Variants in AK7 observed in about 807,000 individuals in gnomAD.
AK7 encodes ATP-AMP transphosphorylase 7.
In AK7, 78 loss-of-function variants were observed where a neutral mutation model predicts 96.6. The observed-to-expected ratio is 0.81, with a 90% CI of 0.67 to 0.97. The LOEUF is 0.97. Ranked by LOEUF, AK7 falls within the 50% of genes least tolerant of loss-of-function variation. The pLI is 0.00. For missense variants in AK7, 855 were observed against 887.9 expected (o/e 0.96, Z 0.47); for synonymous variants, 302 against 317.2 (o/e 0.95, Z 0.51).
At chr14:96,448,630 TAAAAAAAAAAA>T (rs71103528) in intron 8 of AK7, among the ~76,000 whole-genome samples, 18 of 74,896 alleles carry the variant, frequency 2.4e-4, no homozygotes, top group African/African-American at 5.0e-4. Flanking sequence ...ACCCTATCTC[TAAAAAAAAAAA>T]AAAAAAAAAA....
chr14:96,414,406 G>C (rs866232508), intron 4 of AK7, among the ~76,000 whole-genome samples: 7 of 152,372 alleles, frequency 4.6e-5, no homozygotes, highest in Middle Eastern at 6.8e-3. Context: ...GTCTGGTTTA[G>C]TCTCTGGCAC....
intron 9 of AK7, among the ~76,000 whole-genome samples, chr14:96,450,397 CAA>C (rs1893523203): frequency 7.1e-6 from 1 of 141,340 alleles, no homozygotes. Context: ...GCCTGGGCAA[CAA>C]GAGAGACAGT....
chr14:96,447,473 C>A (rs768160737), intron 8 of AK7, among the ~76,000 whole-genome samples: 5 of 151,980 alleles, frequency 3.3e-5, no homozygotes, highest in Non-Finnish European at 7.4e-5. Context: ...CACCACCGTA[C>A]CTGGCTAATT....
chr14:96,458,041 A>T, intron 11 of AK7, 42 bp from the exon 12 acceptor site: 1 of 1,604,558 alleles, frequency 6.2e-7, no homozygotes, highest in South Asian at 1.1e-5. Flanking sequence ...TAGCAAATGG[A>T]TGTGGGGCAT....
At chr14:96,477,853 C>T (rs530080710) in intron 14 of AK7, among the ~76,000 whole-genome samples, 1 of 152,174 alleles carries the variant, frequency 6.6e-6, no homozygotes, top group East Asian at 1.9e-4. Flanking sequence ...GTAGCCATAG[C>T]TCTCTTTGGA....
intron 4 of AK7, among the ~76,000 whole-genome samples, chr14:96,415,748 T>TAATTAATTTAATACATTAATTAATTA (rs1485650179): frequency 0.12 from 16,634 of 133,464 alleles, 2,201 homozygotes; most frequent in East Asian, 0.45. Flanking sequence ...TTAATTAAAT[T>TAATTAATTTAATACATTAATTAATTA]AATTAATTTA....
At chr14:96,462,395 A>T (rs1470234132) in intron 12 of AK7, among the ~76,000 whole-genome samples, 1 of 152,184 alleles carries the variant, frequency 6.6e-6, no homozygotes, top group South Asian at 2.1e-4. Flanking sequence ...AAGACCTTTG[A>T]ACCCTTGGCA....
At position 96,415,788 on chromosome 14, in the gene AK7, CATTA is replaced by C. The variant is rs1181991354; in HGVS notation, c.499-5024_499-5021del. ...ATTAATTAATTAAATTAATTTAATA[CATTA>C]ATTAATTAAATTAATTTAATACATT... On this transcript the variant is annotated intron_variant, in intron 4 of 17. Coordinates refer to ENST00000267584, the MANE Select transcript of AK7 (RefSeq NM_152327.5). Among the ~76,000 whole-genome samples, 14 of 148,826 alleles carry C rather than the reference CATTA, an allele frequency of 9.4e-5. 1 individual carries two copies. Among genetic ancestry groups the C allele is most frequent in the African/African-American group, 3.2e-4 (13 of 40,866 alleles).
At position 96,478,506 on chromosome 14, in the gene AK7, G is replaced by C. The variant is rs114628002; in HGVS notation, c.1597G>C (p.Glu533Gln). 2 of 1,614,170 alleles carry C rather than the reference G, an allele frequency of 1.2e-6. No homozygotes were observed. Among genetic ancestry groups the C allele is most frequent in the South Asian group, 2.2e-5 (2 of 91,080 alleles). Reference sequence around the variant, plus strand: ...GGATGCTTCGGATGAGTTTCTGAAGGAGCGTGTGATAAACCTTCCTGAGAG... The same window carrying C: ...GGATGCTTCGGATGAGTTTCTGAAGCAGCGTGTGATAAACCTTCCTGAGAG... ...ALDASDEFLKERVINLPESIV... is the reference protein window; with the variant it reads ...ALDASDEFLKQRVINLPESIV... The change falls in exon 15 of 18, where the codon GAG (glutamate) becomes CAG (glutamine). Residue 533 changes from glutamate (E) to glutamine (Q), a missense_variant. Coordinates refer to ENST00000267584, the MANE Select transcript of AK7 (RefSeq NM_152327.5).
At chr14:96,406,141 C>T (rs1268185224) in intron 3 of AK7, among the ~76,000 whole-genome samples, 1 of 152,030 alleles carries the variant, frequency 6.6e-6, no homozygotes, top group African/African-American at 2.4e-5. Flanking sequence ...GCAGTCTCCA[C>T]CTCCCGGGTT....
chr14:96,443,717 T>A (rs7140228), intron 7 of AK7, among the ~76,000 whole-genome samples: 11,385 of 151,118 alleles, frequency 0.075, 1,465 homozygotes, highest in African/African-American at 0.26. Context: ...GGGCCACACA[T>A]AAAATACACT....
intron 6 of AK7, 149 bp downstream of exon 6, chr14:96,438,064 A>G (rs1458679420): frequency 3.5e-6 from 2 of 575,230 alleles, no homozygotes; most frequent in Non-Finnish European, 6.0e-6. Flanking sequence ...ACAAAGACCT[A>G]CGTTTCTTTC....
chr14:96,459,495 A>G (rs1357002852), intron 12 of AK7, among the ~76,000 whole-genome samples: 1 of 152,158 alleles, frequency 6.6e-6, no homozygotes, highest in Non-Finnish European at 1.5e-5. Context: ...CACTGATATG[A>G]TAAGTTAATG....
At chr14:96,448,920 C>T (rs2140106749) in intron 8 of AK7, among the ~76,000 whole-genome samples, 1 of 152,130 alleles carries the variant, frequency 6.6e-6, no homozygotes, top group South Asian at 2.1e-4. Flanking sequence ...CGTGCCACTG[C>T]ACTCCAGCCT....
chr14:96,476,673 C>A (rs182827087), intron 14 of AK7, among the ~76,000 whole-genome samples: 45 of 152,220 alleles, frequency 3.0e-4, no homozygotes, highest in African/African-American at 1.1e-3. Flanking sequence ...TGAGATACTG[C>A]AGAATCTTGA....
intron 2 of AK7, among the ~76,000 whole-genome samples, chr14:96,402,535 C>A (rs1039491330): frequency 6.6e-6 from 1 of 152,148 alleles, no homozygotes; most frequent in Non-Finnish European, 1.5e-5. Flanking sequence ...CGTATTCTCC[C>A]AGTGTTTTCT....
chr14:96,444,070 C>T (rs1460914459), intron 7 of AK7, among the ~76,000 whole-genome samples: 7 of 152,176 alleles, frequency 4.6e-5, no homozygotes, highest in East Asian at 1.9e-4. Flanking sequence ...CCACTGCGCC[C>T]GGCCCAAAAA....
rs182050310 is a variant in AK7, at chr14:96,394,574, C to T, written c.105+2315C>T. 9.2e-5 allele frequency among the ~76,000 whole-genome samples: 14 copies of T among 152,324 alleles called. No homozygotes were observed. The East Asian group carries it at 2.7e-3, about 29-fold the overall frequency. ...CATAGATTAGTGGAGCAGAGGCCAGCACAGAGGGCCAGGTCATGGATGGCC... is the reference window on the plus strand; with the variant it reads ...CATAGATTAGTGGAGCAGAGGCCAGTACAGAGGGCCAGGTCATGGATGGCC... On this transcript the variant is annotated intron_variant, in intron 1 of 17. Coordinates refer to ENST00000267584, the MANE Select transcript of AK7 (RefSeq NM_152327.5).
intron 4 of AK7, 132 bp downstream of exon 4, chr14:96,409,073 A>G (rs989356024): frequency 1.2e-6 from 1 of 858,388 alleles, no homozygotes. Flanking sequence ...ATAAGCACCC[A>G]GCAGAGTTTA....
Sources: gnomAD v4.1 joint callset for allele counts (sites outside exome capture counted in the v4.1 genomes callset) on GRCh38, gnomAD v4.1.1 for gene constraint, MANE v1.5 for transcripts, NCBI Gene and HGNC (gene_info 2026-07-23, HGNC 2026-07-21) for gene names.